PLD5: variants seen among roughly 807,000 people sequenced by gnomAD.
PLD5 encodes phospholipase D family member 5.
Under a neutral mutation model 61.1 loss-of-function variants are expected in PLD5, and 36 were observed. The ratio of observed to expected loss-of-function variants is 0.59; its 90% confidence interval spans 0.45 to 0.78. PLD5 has a LOEUF of 0.78. PLD5 is among the 30% of genes least tolerant of loss of function. PLD5 has a pLI of 0.00. For missense variants in PLD5, 515 were observed against 644.4 expected, an observed-to-expected ratio of 0.80 and a Z score of 2.17; for synonymous variants, 243 against 242.8, an observed-to-expected ratio of 1.00 and a Z score of -0.01.
rs72761273 is a variant in PLD5 at position 242,183,463 on chromosome 1, A to G, written c.735+36525T>C. On this transcript the variant is annotated intron_variant, in intron 5 of 9. Coordinates refer to ENST00000536534, the MANE Select transcript of PLD5 (RefSeq NM_001372062.1). The stretch of plus-strand genomic sequence containing the variant: ...ATGGTGCTTCCAAAAAGAGGAAATA[A>G]AGAGAGTAAGGGGAAAAGCAATTAT... Among the ~76,000 whole-genome samples the G allele has an allele frequency of 3.2e-3, 490 of 152,288 alleles. 4 individuals are homozygous for G. Among genetic ancestry groups the G allele is most frequent in the Admixed American group, 6.9e-3 (106 of 15,294 alleles).
At chr1:242,293,346 C>A (rs1675478772) in intron 2 of PLD5, among the ~76,000 whole-genome samples, 1 of 152,182 alleles carries the variant, frequency 6.6e-6, no homozygotes, top group Admixed American at 6.5e-5. Flanking sequence ...TACAGTTTCA[C>A]TTTCTACAGT....
Position 242,084,323 on chromosome 1 carries a change from A to G in PLD5, c.*5531T>C, listed in dbSNP as rs1659362693. The G allele has an allele frequency of 6.6e-6, 1 of 152,018 alleles. No homozygotes were observed. The allele number at this position is 152,018 out of a possible 1,614,324, so 9.4% of individuals were successfully genotyped here. On this transcript the variant is annotated 3_prime_UTR_variant, in exon 10 of 10. Coordinates refer to ENST00000536534, the MANE Select transcript of PLD5 (RefSeq NM_001372062.1). Reference sequence around the variant, plus strand: ...TTTTTTTTTTAAAAGTATGCCTCTCAGATTGATTCTCTTTATGAAAACAGC... The same window carrying G: ...TTTTTTTTTTAAAAGTATGCCTCTCGGATTGATTCTCTTTATGAAAACAGC...
At chr1:242,135,552 G>A (rs551207925) in intron 5 of PLD5, among the ~76,000 whole-genome samples, 2 of 152,264 alleles carry the variant, frequency 1.3e-5, no homozygotes, top group East Asian at 3.9e-4. Flanking sequence ...CCATTTTTCA[G>A]CATTGGATGC....
chr1:242,277,229 A>G (rs1674464750), intron 3 of PLD5, among the ~76,000 whole-genome samples: 1 of 152,184 alleles, frequency 6.6e-6, no homozygotes, highest in Non-Finnish European at 1.5e-5. Context: ...AAGGCAAGAA[A>G]GGAACACCAG....
intron 1 of PLD5, among the ~76,000 whole-genome samples, chr1:242,487,894 G>A (rs1668015653): frequency 6.6e-6 from 1 of 152,034 alleles, no homozygotes; most frequent in Admixed American, 6.6e-5. Context: ...TAATTTATAT[G>A]TATATATTGT....
At chr1:242,125,999 G>A (rs551866720) in intron 5 of PLD5, among the ~76,000 whole-genome samples, 16 of 152,226 alleles carry the variant, frequency 1.1e-4, no homozygotes, top group Admixed American at 4.6e-4. Context: ...ATCTTTGTGC[G>A]CCTTTAATAT....
At chr1:242,175,504 C>G (rs1451848255) in intron 5 of PLD5, among the ~76,000 whole-genome samples, 1 of 152,122 alleles carries the variant, frequency 6.6e-6, no homozygotes, top group Non-Finnish European at 1.5e-5. Flanking sequence ...CTGGAATGGG[C>G]AAAAACTGGA....
intron 1 of PLD5, among the ~76,000 whole-genome samples, chr1:242,498,738 C>T (rs10926756): frequency 0.34 from 51,125 of 152,028 alleles, 9,015 homozygotes; most frequent in Admixed American, 0.42. Flanking sequence ...CATTTTTCTT[C>T]GTTGAACTTA....
intron 1 of PLD5, among the ~76,000 whole-genome samples, chr1:242,418,849 A>C (rs1363914293): frequency 6.6e-6 from 1 of 152,226 alleles, no homozygotes; most frequent in African/African-American, 2.4e-5. Flanking sequence ...GGTCCAGAGA[A>C]TAGGTTTCCT....
At chr1:242,131,682 T>C (rs1375274564) in intron 5 of PLD5, among the ~76,000 whole-genome samples, 1 of 152,184 alleles carries the variant, frequency 6.6e-6, no homozygotes, top group Non-Finnish European at 1.5e-5. Flanking sequence ...AGTGAAGCAC[T>C]GGCAAGACTA....
intron 1 of PLD5, among the ~76,000 whole-genome samples, chr1:242,420,844 CATG>C (rs1192010153): frequency 1.3e-5 from 2 of 152,122 alleles, no homozygotes; most frequent in African/African-American, 2.4e-5. Context: ...TCAAAAAATG[CATG>C]TCCATTTTGC....
chr1:242,334,039 G>A (rs543263954), intron 2 of PLD5, among the ~76,000 whole-genome samples: 9 of 152,188 alleles, frequency 5.9e-5, no homozygotes, highest in African/African-American at 2.2e-4. Context: ...TGAATCAGAT[G>A]GTAGAGAACT....
At chr1:242,195,415 A>G (rs908815830) in intron 5 of PLD5, among the ~76,000 whole-genome samples, 2 of 152,192 alleles carry the variant, frequency 1.3e-5, no homozygotes, top group Non-Finnish European at 2.9e-5. Context: ...TGTTTCTTCT[A>G]CTTTGATGCT....
At chr1:242,333,136 A>G (rs1415066883) in intron 2 of PLD5, among the ~76,000 whole-genome samples, 1 of 152,152 alleles carries the variant, frequency 6.6e-6, no homozygotes, top group Admixed American at 6.5e-5. Flanking sequence ...TTGCTAAAAG[A>G]GGGGTTGTCA....
At chr1:242,170,904 A>G (rs1202927288) in intron 5 of PLD5, among the ~76,000 whole-genome samples, 1 of 152,186 alleles carries the variant, frequency 6.6e-6, no homozygotes, top group African/African-American at 2.4e-5. Flanking sequence ...AAAAGACCAA[A>G]TCTACACTTG....
chr1:242,300,607 T>G (rs1675980074), intron 2 of PLD5, among the ~76,000 whole-genome samples: 1 of 151,980 alleles, frequency 6.6e-6, no homozygotes, highest in Non-Finnish European at 1.5e-5. Flanking sequence ...AAGAGTTAAA[T>G]TACACAGGGC....
chr1:242,335,102 A>G (rs1659424762), intron 2 of PLD5, among the ~76,000 whole-genome samples: 1 of 151,620 alleles, frequency 6.6e-6, no homozygotes, highest in Non-Finnish European at 1.5e-5. Context: ...TATGAAATAA[A>G]CCTTTTTCTC....
chr1:242,460,889 C>G (rs1667097051), intron 1 of PLD5, among the ~76,000 whole-genome samples: 1 of 150,884 alleles, frequency 6.6e-6, no homozygotes, highest in Non-Finnish European at 1.5e-5. Context: ...TTTGTAATCC[C>G]AGAACTTTGT....
chr1:242,411,487 A>G (rs971953280), intron 1 of PLD5, among the ~76,000 whole-genome samples: 4 of 152,108 alleles, frequency 2.6e-5, no homozygotes, highest in African/African-American at 9.7e-5. Flanking sequence ...CACCTGCCTC[A>G]GCCTCCCAAA....
Sources: gnomAD v4.1 joint callset for allele counts (sites outside exome capture counted in the v4.1 genomes callset) on GRCh38, gnomAD v4.1.1 for gene constraint, MANE v1.5 for transcripts, NCBI Gene and HGNC (gene_info 2026-07-23, HGNC 2026-07-21) for gene names.